Variants in DMD observed in about 807,000 individuals in gnomAD.
The protein encoded by DMD is dystrophin.
Under a neutral mutation model 330.1 loss-of-function variants are expected in DMD, and 63 were observed. The observed-to-expected ratio is 0.19, with a 90% CI of 0.16 to 0.24. The LOEUF is 0.24. DMD is among the 10% of genes least tolerant of loss of function. The pLI is 1.00. For synonymous variants in DMD, 1,223 were observed against 959.8 expected, an observed-to-expected ratio of 1.27 and a Z score of -5.07; for missense variants, 3,344 against 2,684.1, an observed-to-expected ratio of 1.25 and a Z score of -5.43.
At chrX:33,040,565 T>G (rs1364629011) in intron 1 of DMD, among the ~76,000 whole-genome samples, 1 of 111,048 alleles carries the variant, frequency 9.0e-6, no homozygotes, top group African/African-American at 3.3e-5. Context: ...AAGCACGGGA[T>G]AGCAGCAGCC....
chrX:32,734,716 C>T (rs200714214), intron 7 of DMD, among the ~76,000 whole-genome samples: 473 of 109,867 alleles, frequency 4.3e-3, no homozygotes, highest in Middle Eastern at 0.023. Flanking sequence ...ATTCAACAAC[C>T]CTTCATGCTA....
At chrX:32,052,806 C>G (rs963440139) in intron 44 of DMD, among the ~76,000 whole-genome samples, 4 of 111,023 alleles carry the variant, frequency 3.6e-5, no homozygotes, top group African/African-American at 1.3e-4. Flanking sequence ...AGTAGTAGAT[C>G]CAAATATCTG....
At chrX:32,577,155 G>T (rs989517968) in intron 13 of DMD, among the ~76,000 whole-genome samples, 1 of 111,327 alleles carries the variant, frequency 9.0e-6, no homozygotes, top group Non-Finnish European at 1.9e-5. Flanking sequence ...TATGAGAAGA[G>T]GAAATTTGGA....
intron 18 of DMD, among the ~76,000 whole-genome samples, chrX:32,503,531 G>T (rs917060736): frequency 9.0e-6 from 1 of 111,663 alleles, no homozygotes; most frequent in African/African-American, 3.3e-5. Flanking sequence ...CTAATTTAAA[G>T]AAATAGCTAC....
intron 17 of DMD, among the ~76,000 whole-genome samples, chrX:32,540,289 A>G (rs967517125): frequency 1.8e-5 from 2 of 111,546 alleles, no homozygotes; most frequent in African/African-American, 3.3e-5. Flanking sequence ...CAAGATCATC[A>G]GACACTTTTG....
chrX:32,209,729 G>T (rs2097086279), intron 44 of DMD, among the ~76,000 whole-genome samples: 1 of 111,149 alleles, frequency 9.0e-6, no homozygotes, highest in African/African-American at 3.3e-5. Flanking sequence ...GGGATGACAT[G>T]TTTATCCTGC....
chrX:31,519,401 T>G (rs1033303328), intron 55 of DMD, among the ~76,000 whole-genome samples: 2 of 112,312 alleles, frequency 1.8e-5, no homozygotes, highest in Non-Finnish European at 3.8e-5. Flanking sequence ...CAAGAACATA[T>G]GGCAAAGTGC....
chrX:33,080,117 G>T (rs186046606), intron 1 of DMD, among the ~76,000 whole-genome samples: 132 of 112,199 alleles, frequency 1.2e-3, no homozygotes, highest in African/African-American at 4.1e-3. Context: ...TTTTTAGAAC[G>T]CTTTATAATT....
At chrX:32,544,304 A>G (rs1049435720) in intron 17 of DMD, among the ~76,000 whole-genome samples, 3 of 112,067 alleles carry the variant, frequency 2.7e-5, no homozygotes, top group Non-Finnish European at 3.8e-5. Flanking sequence ...AACATCTGAC[A>G]TGGTATTTTT....
chrX:32,579,025 A>G (rs1325702653), intron 13 of DMD, among the ~76,000 whole-genome samples: 1 of 111,335 alleles, frequency 9.0e-6, no homozygotes, highest in Non-Finnish European at 1.9e-5. Flanking sequence ...ACTGATGTTG[A>G]AATGGAAATC....
At chrX:31,189,013 T>A (rs1353053285) in intron 67 of DMD, among the ~76,000 whole-genome samples, 1 of 109,801 alleles carries the variant, frequency 9.1e-6, no homozygotes, top group Non-Finnish European at 1.9e-5. Context: ...CGAAGAACTT[T>A]TGGATTTCTT....
At chrX:32,156,812 A>G (rs983688476) in intron 44 of DMD, among the ~76,000 whole-genome samples, 2 of 111,597 alleles carry the variant, frequency 1.8e-5, no homozygotes, top group African/African-American at 6.5e-5. Context: ...TATTCTTTAC[A>G]TGTTACTGTC....
At chrX:31,306,024 A>G (rs1443371194) in intron 62 of DMD, among the ~76,000 whole-genome samples, 1 of 112,107 alleles carries the variant, frequency 8.9e-6, no homozygotes, top group African/African-American at 3.2e-5. Flanking sequence ...TATTTGAACT[A>G]CCTTAAAAGA....
At position 33,244,185 on chromosome X, in the gene DMD, G is replaced by A. The variant is rs538233439; in HGVS notation, c.7+95074C>T. Reference sequence around the variant, plus strand: ...TATCCTCGTCTTGTGCCAGATCTTAGAGGAAAAGCTTTCAACTTTTCCCCA... The same window carrying A: ...TATCCTCGTCTTGTGCCAGATCTTAAAGGAAAAGCTTTCAACTTTTCCCCA... On this transcript the variant is annotated intron_variant, in intron 1 of 17. Transcript: ENST00000288447. 2.0e-3 allele frequency among the ~76,000 whole-genome samples: 226 copies of A among 110,917 alleles called. 1 individual carries two copies. The highest frequency in any genetic ancestry group is 7.1e-3 in the African/African-American group (217 of 30,554).
chrX:31,635,007 G>A (rs1036254579), intron 54 of DMD, among the ~76,000 whole-genome samples: 1 of 111,090 alleles, frequency 9.0e-6, no homozygotes, highest in African/African-American at 3.3e-5. Context: ...GATACAATAC[G>A]AAAAGGTACT....
intron 55 of DMD, among the ~76,000 whole-genome samples, chrX:31,574,134 G>GTTTTTTTTTTT: frequency 1.2e-5 from 1 of 83,175 alleles, no homozygotes; most frequent in Non-Finnish European, 2.4e-5. Flanking sequence ...TGATCTGTTT[G>GTTTTTTTTTTT]TTTTTTTTTT....
intron 1 of DMD, among the ~76,000 whole-genome samples, chrX:33,075,904 G>A: frequency 8.9e-6 from 1 of 111,829 alleles, no homozygotes; most frequent in Middle Eastern, 4.6e-3. Flanking sequence ...CTGGGGACTA[G>A]ACTGCCTTTG....
chrX:32,280,004 C>CAT (rs1436462195), intron 43 of DMD, among the ~76,000 whole-genome samples: 1 of 61,739 alleles, frequency 1.6e-5, no homozygotes, highest in Non-Finnish European at 3.0e-5. Context: ...ATATGTACCC[C>CAT]ACATATATAT....
intron 3 of DMD, among the ~76,000 whole-genome samples, chrX:32,848,508 A>G (rs760692033): frequency 1.8e-5 from 2 of 111,760 alleles, no homozygotes; most frequent in Non-Finnish European, 3.8e-5. Flanking sequence ...TATTATTTCA[A>G]TATGTCATCA....
Sources: gnomAD v4.1 joint callset for allele counts (sites outside exome capture counted in the v4.1 genomes callset) on GRCh38, gnomAD v4.1.1 for gene constraint, MANE v1.5 for transcripts, NCBI Gene and HGNC (gene_info 2026-07-23, HGNC 2026-07-21) for gene names.